The following NANOGNB variants were observed in gnomAD, a reference collection of about 807,000 sequenced individuals.
NANOGNB encodes the protein NANOG neighbor homeobox.
A neutral mutation model predicts 25.0 loss-of-function variants in NANOGNB; 30 were observed. The ratio of observed to expected loss-of-function variants is 1.20; its 90% confidence interval spans 0.90 to 1.63. The LOEUF (loss-of-function observed/expected upper bound fraction) is 1.63, where lower values mean the gene tolerates loss of function less well. NANOGNB is among the 40% of genes most tolerant of loss of function. The pLI is 0.00. For missense variants in NANOGNB, 200 were observed against 188.1 expected (o/e 1.06, Z -0.37); for synonymous variants, 84 against 62.1 (o/e 1.35, Z -1.66).
chr12:7,770,538 A>G lies in NANOGNB; in HGVS notation c.515+20A>G. 1 of 1,387,764 alleles carries G rather than the reference A, an allele frequency of 7.2e-7. No individual in the cohort carries two copies. Among genetic ancestry groups the G allele is most frequent in the Non-Finnish European group, 9.9e-7 (1 of 1,010,720 alleles). The allele number at this position is 1,387,764 out of a possible 1,614,324, so 86.0% of individuals were successfully genotyped here. On this transcript the variant is annotated intron_variant, in intron 3 of 3. Transcript: ENST00000382119. ...TATGAGGTAAGAAAGTGTTTCTTGTAAAATAAAAGGAAGTAGAAGGAATAT... is the reference window on the plus strand; with the variant it reads ...TATGAGGTAAGAAAGTGTTTCTTGTGAAATAAAAGGAAGTAGAAGGAATAT...
At chr12:7,773,113 T>A (rs1862599304) in intron 3 of NANOGNB, among the ~76,000 whole-genome samples, 1 of 137,626 alleles carries the variant, frequency 7.3e-6, no homozygotes, top group Non-Finnish European at 1.5e-5. Context: ...AAAATCCAAC[T>A]GTGATAGTTT....
chr12:7,771,604 T>C (rs578038203), intron 3 of NANOGNB, among the ~76,000 whole-genome samples: 3 of 152,040 alleles, frequency 2.0e-5, no homozygotes, highest in African/African-American at 7.2e-5. Flanking sequence ...GTTTAAATAT[T>C]ATCTCACTTG....
At chr12:7,773,332 G>A (rs117508279) in intron 3 of NANOGNB, among the ~76,000 whole-genome samples, 4,530 of 151,492 alleles carry the variant, frequency 0.03, 109 homozygotes, top group Non-Finnish European at 0.044. Context: ...ATTTTAAAAT[G>A]TATTTTAGAA....
chr12:7,771,537 A>G (rs1862565459), intron 3 of NANOGNB, among the ~76,000 whole-genome samples: 1 of 152,086 alleles, frequency 6.6e-6, no homozygotes, highest in African/African-American at 2.4e-5. Context: ...CAGTTTTAAC[A>G]GCACTAGACC....
At chr12:7,765,569 C>CAAAAAAAAAAAAAAAAAAAAAAAAAA (rs1187331161) in intron 1 of NANOGNB, among the ~76,000 whole-genome samples, 182 bp downstream of exon 1, 22 of 48,662 alleles carry the variant, frequency 4.5e-4, no homozygotes, top group Middle Eastern at 0.011. Context: ...GACTCCGTCT[C>CAAAAAAAAAAAAAAAAAAAAAAAAAA]AAAAAAAAAA....
Position 7,765,366 on chromosome 12 carries a change from C to T in NANOGNB, c.81C>T (p.Ile27=), listed in dbSNP as rs1247167975. 2.1e-5 allele frequency: 11 copies of T among 533,984 alleles called. No individual in the cohort carries two copies. The highest frequency in any genetic ancestry group is 1.8e-4 in the South Asian group (11 of 60,978). 33.1% of individuals were successfully genotyped at this position (533,984 alleles called of 1,614,324 possible). Residue 27 remains isoleucine (I), a synonymous_variant, in exon 1 of 4, where the codon ATC becomes ATT. Coordinates refer to ENST00000382119, the MANE Select transcript of NANOGNB (RefSeq NM_001145465.1). ...CGGGCAGATCACGAGGTCAGGAAATCGAGACCATCTTGGCTAACAAGGTAA... is the reference window on the plus strand; with the variant it reads ...CGGGCAGATCACGAGGTCAGGAAATTGAGACCATCTTGGCTAACAAGGTAA... ...AEAGRSRGQE[I]ETILANKKQS... is the part of the protein sequence containing the mutation.
chr12:7,768,215 A>G (rs979971927), intron 1 of NANOGNB, among the ~76,000 whole-genome samples: 6 of 151,922 alleles, frequency 3.9e-5, no homozygotes, highest in Non-Finnish European at 8.8e-5. Context: ...TTTTTCCTTT[A>G]TTCTATTCAT....
chr12:7,769,910 A>G (rs1368154754), intron 1 of NANOGNB, 73 bp from the exon 2 acceptor site: 1 of 1,039,692 alleles, frequency 9.6e-7, no homozygotes, highest in African/African-American at 1.6e-5. Flanking sequence ...TCTCCCAGGG[A>G]AGATTGTTGA....
intron 3 of NANOGNB, among the ~76,000 whole-genome samples, chr12:7,773,050 G>GTCTAGACATAGACAAA (rs1415953859): frequency 1.3e-5 from 2 of 151,582 alleles, no homozygotes; most frequent in African/African-American, 4.8e-5. Context: ...CATAGTCTAG[G>GTCTAGACATAGACAAA]CTCTATCAAT....
intron 3 of NANOGNB, 58 bp downstream of exon 3, chr12:7,770,576 A>G (rs906233351): frequency 8.8e-7 from 1 of 1,130,700 alleles, no homozygotes; most frequent in Non-Finnish European, 1.3e-6. Context: ...TGACTTCCGG[A>G]GTTGGTTTGT....
At chr12:7,766,005 C>T (rs903373189) in intron 1 of NANOGNB, 23 of 396,526 alleles carry the variant, frequency 5.8e-5, no homozygotes, top group African/African-American at 4.7e-4. Context: ...TGAAAAAGCA[C>T]AGGGACAGAA....
At chr12:7,773,659 A>G in intron 3 of NANOGNB, 141 bp from the exon 4 acceptor site, 1 of 235,058 alleles carries the variant, frequency 4.3e-6, no homozygotes. Context: ...TGGGAGATGG[A>G]GGTTGCAGTC....
At chr12:7,770,366 A>C in intron 2 of NANOGNB, 51 bp downstream of exon 2, 1 of 1,522,286 alleles carries the variant, frequency 6.6e-7, no homozygotes, top group Admixed American at 2.3e-5. Context: ...AGTCACTTGT[A>C]TAGTACTATT....
At chr12:7,767,789 T>A (rs1226272934) in intron 1 of NANOGNB, among the ~76,000 whole-genome samples, 1 of 149,676 alleles carries the variant, frequency 6.7e-6, no homozygotes, top group Non-Finnish European at 1.5e-5. Flanking sequence ...TGTGGCAGGG[T>A]CTTGCTCTGT....
intron 1 of NANOGNB, among the ~76,000 whole-genome samples, chr12:7,767,586 T>C (rs1865256470): frequency 6.6e-6 from 1 of 152,100 alleles, no homozygotes; most frequent in Admixed American, 6.6e-5. Flanking sequence ...AAAGAAAATG[T>C]ATACCAATTA....
chr12:7,770,608 GC>G, intron 3 of NANOGNB, 90 bp downstream of exon 3: 1 of 813,848 alleles, frequency 1.2e-6, no homozygotes, highest in Non-Finnish European at 1.9e-6. Context: ...TATTGGGTAT[GC>G]CCATAAACTT....
intron 3 of NANOGNB, among the ~76,000 whole-genome samples, chr12:7,771,328 C>G (rs1376817398): frequency 6.6e-6 from 1 of 152,046 alleles, no homozygotes; most frequent in African/African-American, 2.4e-5. Context: ...TCACACCATT[C>G]TCCTGCCTCA....
chr12:7,770,037 A>G lies in NANOGNB; in HGVS notation c.157A>G (p.Ser53Gly). 1 of 1,536,726 alleles carries G rather than the reference A, an allele frequency of 6.5e-7. No homozygotes were observed. Among genetic ancestry groups the G allele is most frequent in the Non-Finnish European group, 8.7e-7 (1 of 1,143,862 alleles). ...QDPEQSTGNY[S>G]EDEQNGKQKW... ...TCCAGAACAATCAACTGGAAATTAC[A>G]GTGAAGATGAACAAAATGGAAAGCA... is the stretch of plus-strand genomic sequence containing the variant. Residue 53 changes from serine (S) to glycine (G), a missense_variant, in exon 2 of 4, where the codon AGT becomes GGT. Ser to Gly is a moderately conservative substitution (Grantham distance 56, BLOSUM62 0). Coordinates refer to ENST00000382119, the MANE Select transcript of NANOGNB (RefSeq NM_001145465.1).
At chr12:7,765,988 G>A in intron 1 of NANOGNB, 1 of 395,750 alleles carries the variant, frequency 2.5e-6, no homozygotes, top group Non-Finnish European at 4.4e-6. Flanking sequence ...TTAACCTTGA[G>A]TGTGATTGAA....
Sources: allele counts gnomAD v4.1 joint callset (sites outside exome capture counted in the v4.1 genomes callset), GRCh38; gene constraint gnomAD v4.1.1; transcripts MANE v1.5; gene names NCBI Gene and HGNC (gene_info 2026-07-23, HGNC 2026-07-21).